The following HS6ST2 variants were observed in gnomAD, a reference collection of about 807,000 sequenced individuals.
The protein encoded by HS6ST2 is heparan sulfate 6-O-sulfotransferase 2.
In HS6ST2, 17 loss-of-function variants were observed where a neutral mutation model predicts 33.0. The observed-to-expected ratio is 0.52, with a 90% CI of 0.35 to 0.77. The LOEUF (loss-of-function observed/expected upper bound fraction) is 0.77. Ranked by LOEUF, HS6ST2 falls within the 30% of genes least tolerant of loss-of-function variation. The pLI is 0.01. For missense variants in HS6ST2, 519 were observed against 551.7 expected, an observed-to-expected ratio of 0.94 and a Z score of 0.59; for synonymous variants, 248 against 237.1, an observed-to-expected ratio of 1.05 and a Z score of -0.42.
At chrX:132,946,835 A>G (rs1163935287) in intron 2 of HS6ST2, among the ~76,000 whole-genome samples, 1 of 112,064 alleles carries the variant, frequency 8.9e-6, no homozygotes, top group Non-Finnish European at 1.9e-5. Context: ...CTCCTTGCAC[A>G]GGACCTGTCT....
At chrX:132,810,818 C>T (rs1269291300) in intron 2 of HS6ST2, among the ~76,000 whole-genome samples, 2 of 112,372 alleles carry the variant, frequency 1.8e-5, no homozygotes, top group Non-Finnish European at 3.8e-5. Context: ...TTAAAGTCAT[C>T]CCAACTGAGG....
chrX:132,879,918 G>A (rs1206326485), intron 2 of HS6ST2, among the ~76,000 whole-genome samples: 4 of 111,138 alleles, frequency 3.6e-5, no homozygotes, highest in African/African-American at 6.6e-5. Context: ...TTCCTCCCCT[G>A]GCACATCTCC....
At chrX:132,879,233 A>G (rs1164732926) in intron 2 of HS6ST2, among the ~76,000 whole-genome samples, 1 of 111,519 alleles carries the variant, frequency 9.0e-6, no homozygotes, top group Non-Finnish European at 1.9e-5. Flanking sequence ...GGCTAACCTC[A>G]TGGGGAATTA....
At chrX:132,808,948 C>T (rs1481233339) in intron 2 of HS6ST2, among the ~76,000 whole-genome samples, 1 of 112,041 alleles carries the variant, frequency 8.9e-6, no homozygotes, top group African/African-American at 3.2e-5. Context: ...GCATCAAACG[C>T]AAGAAGTAGA....
intron 4 of HS6ST2, among the ~76,000 whole-genome samples, chrX:132,658,321 C>T (rs1451985012): frequency 8.9e-6 from 1 of 111,929 alleles, no homozygotes; most frequent in Non-Finnish European, 1.9e-5. Context: ...GCACTCCGAA[C>T]AGGGCCTGGT....
At chrX:132,954,082 T>C (rs1229030704) in intron 2 of HS6ST2, among the ~76,000 whole-genome samples, 1 of 112,309 alleles carries the variant, frequency 8.9e-6, no homozygotes, top group Non-Finnish European at 1.9e-5. Flanking sequence ...GATCCTTTTG[T>C]CCACTCTGGC....
At chrX:132,946,643 G>C (rs2066959576) in intron 2 of HS6ST2, among the ~76,000 whole-genome samples, 1 of 111,556 alleles carries the variant, frequency 9.0e-6, no homozygotes, top group Non-Finnish European at 1.9e-5. Context: ...GGGAGGGATA[G>C]CATTAGGAGA....
intron 2 of HS6ST2, among the ~76,000 whole-genome samples, chrX:132,861,387 G>A (rs1460894890): frequency 9.0e-6 from 1 of 111,547 alleles, no homozygotes; most frequent in East Asian, 2.8e-4. Context: ...AAGGTTTGAT[G>A]GTAAAAGGAG....
chrX:132,719,407 A>T (rs760824577), intron 2 of HS6ST2, among the ~76,000 whole-genome samples: 1 of 111,968 alleles, frequency 8.9e-6, no homozygotes, highest in African/African-American at 3.2e-5. Flanking sequence ...AGGAGGAAAA[A>T]GGTGAGTTGA....
chrX:132,916,236 G>A, intron 2 of HS6ST2, among the ~76,000 whole-genome samples: 1 of 111,508 alleles, frequency 9.0e-6, no homozygotes, highest in Non-Finnish European at 1.9e-5. Context: ...CTCCTGTCTG[G>A]ACCTCTACAG....
intron 4 of HS6ST2, among the ~76,000 whole-genome samples, chrX:132,647,049 G>T (rs1313331399): frequency 1.8e-5 from 2 of 111,518 alleles, no homozygotes; most frequent in Non-Finnish European, 3.8e-5. Context: ...TACAATTCAA[G>T]ATGAGATTTG....
In HS6ST2 at chrX:132,859,516, A is replaced by G. The variant is rs184071171; in HGVS notation, c.947+97292T>C. Among the ~76,000 whole-genome samples, 206 of 109,211 alleles carry G rather than the reference A, an allele frequency of 1.9e-3. 1 individual carries two copies. The highest frequency in any genetic ancestry group is 6.6e-3 in the African/African-American group (199 of 30,052). The allele number at this position is 109,211 out of a possible 115,157, so 94.8% of individuals were successfully genotyped here. A position where few individuals can be genotyped will look rare whatever the true frequency, so the allele number is the denominator to read the frequency against. On this transcript the variant is annotated intron_variant, in intron 2 of 4. Coordinates refer to ENST00000370833, the MANE Select transcript of HS6ST2 (RefSeq NM_001394073.1). Reference sequence around the variant, plus strand: ...AACATTAGGACAAAATGAGGGGGCAAGTGTAGTGGAACTATAAAGAATTCC... The same window carrying G: ...AACATTAGGACAAAATGAGGGGGCAGGTGTAGTGGAACTATAAAGAATTCC...
intron 2 of HS6ST2, among the ~76,000 whole-genome samples, chrX:132,953,840 T>C (rs962847882): frequency 8.9e-6 from 1 of 112,489 alleles, no homozygotes; most frequent in Non-Finnish European, 1.9e-5. Context: ...ATGTAGGTGA[T>C]AACAACAACA....
intron 1 of HS6ST2, 60 bp downstream of exon 1, chrX:132,958,115 C>G (rs1464098300): frequency 5.8e-6 from 6 of 1,040,435 alleles, no homozygotes; most frequent in East Asian, 3.4e-5. Context: ...CTTCCCTCCC[C>G]GTACAGCACC....
intron 2 of HS6ST2, among the ~76,000 whole-genome samples, chrX:132,768,413 T>C (rs1348359014): frequency 2.8e-5 from 3 of 108,549 alleles, no homozygotes; most frequent in Non-Finnish European, 3.8e-5. Context: ...ATCAGACCCA[T>C]CATACCCATG....
intron 2 of HS6ST2, among the ~76,000 whole-genome samples, chrX:132,868,995 A>AT (rs58391917): frequency 0.029 from 2,991 of 104,158 alleles, 37 homozygotes; most frequent in Middle Eastern, 0.039. Flanking sequence ...TCCAGGAGGT[A>AT]TTTTTTTTTT....
At chrX:132,811,130 T>C (rs886077995) in intron 2 of HS6ST2, among the ~76,000 whole-genome samples, 22 of 111,871 alleles carry the variant, frequency 2.0e-4, no homozygotes, top group African/African-American at 2.6e-4. Context: ...CACTATTGTG[T>C]ACACAGCAGT....
intron 2 of HS6ST2, among the ~76,000 whole-genome samples, chrX:132,839,272 G>GTATATATA (rs748319681): frequency 8.9e-4 from 56 of 62,771 alleles, no homozygotes; most frequent in Non-Finnish European, 1.3e-3. Context: ...TGTAGTGTGT[G>GTATATATA]TATATATATA....
At position 132,645,415 on chromosome X, in the gene HS6ST2, T is replaced by C. The variant is rs781339947; in HGVS notation, c.1068-16322A>G. On this transcript the variant is annotated intron_variant, in intron 4 of 4. Transcript: ENST00000370833. ...TCAAAGAAAGTAGAGGAATTTAAAATGAGGTCTTTTGGTGACAGTTTTGAT... is the reference window on the plus strand; with the variant it reads ...TCAAAGAAAGTAGAGGAATTTAAAACGAGGTCTTTTGGTGACAGTTTTGAT... Among the ~76,000 whole-genome samples the C allele has an allele frequency of 8.2e-4, 92 of 112,811 alleles. 1 individual carries two copies. The highest frequency in any genetic ancestry group is 2.8e-3 in the African/African-American group (86 of 31,129).
Sources: gnomAD v4.1 joint callset for allele counts (sites outside exome capture counted in the v4.1 genomes callset) on GRCh38, gnomAD v4.1.1 for gene constraint, MANE v1.5 for transcripts, NCBI Gene and HGNC (gene_info 2026-07-23, HGNC 2026-07-21) for gene names.